The following AP2A1 variants were observed in gnomAD, a reference collection of about 807,000 sequenced individuals.
The protein encoded by AP2A1 is adaptor related protein complex 2 subunit alpha 1.
AP2A1 carries 21 observed loss-of-function variants against 107.3 expected under a neutral mutation model. The observed-to-expected ratio is 0.20, with a 90% CI of 0.14 to 0.28. The LOEUF (loss-of-function observed/expected upper bound fraction) is 0.28. AP2A1 is among the 10% of genes least tolerant of loss of function. The probability of loss-of-function intolerance (pLI) is 1.00; values close to 1 mark genes in which losing one functional copy is unlikely to be tolerated. For missense variants in AP2A1, 873 were observed against 1,307.7 expected (o/e 0.67, Z 5.13); for synonymous variants, 602 against 564.8 (o/e 1.07, Z -0.93).
intron 12 of AP2A1, 112 bp downstream of exon 12, chr19:49,801,170 C>A: frequency 1.8e-6 from 2 of 1,131,754 alleles, no homozygotes; most frequent in South Asian, 1.6e-5. Flanking sequence ...ATCCTCTCGG[C>A]CTCCACCCCA....
At chr19:49,768,062 T>C (rs1273642) in intron 1 of AP2A1, among the ~76,000 whole-genome samples, 139,668 of 152,020 alleles carry the variant, frequency 0.92, 64,259 homozygotes, top group East Asian at 1. Flanking sequence ...AGGAAGGCGT[T>C]GGGTTCTGAA....
chr19:49,798,855 A>G lies in AP2A1; in HGVS notation c.868A>G (p.Lys290Glu). The change falls in exon 8 of 23, where the codon AAG (lysine) becomes GAG (glutamate). Residue 290 changes from lysine to glutamate, a missense_variant. Physicochemically the swap from Lys to Glu is moderately conservative, Grantham distance 56 (BLOSUM62 1). Coordinates refer to ENST00000354293, the MANE Select transcript of AP2A1 (RefSeq NM_130787.3). ...LVECLETVLNKAQEPPKSKKV... is the reference protein window; with the variant it reads ...LVECLETVLNEAQEPPKSKKV... ...GGAATGTCTGGAGACTGTGCTCAACAAGGCCCAGGAGCCCCCCAAATCCAA... is the reference window on the plus strand; with the variant it reads ...GGAATGTCTGGAGACTGTGCTCAACGAGGCCCAGGAGCCCCCCAAATCCAA... 1 of 1,600,176 alleles carries G rather than the reference A, an allele frequency of 6.2e-7. No homozygotes were observed. Among genetic ancestry groups the G allele is most frequent in the East Asian group, 2.3e-5 (1 of 44,256 alleles).
Position 49,801,480 on chromosome 19 carries a change from C to T in AP2A1, c.1644C>T (p.Phe548=). 6.2e-7 allele frequency: 1 copy of T among 1,613,840 alleles called. No individual in the cohort carries two copies. Among genetic ancestry groups the T allele is most frequent in the Non-Finnish European group, 8.5e-7 (1 of 1,179,858 alleles). Reference sequence around the variant, plus strand: ...TGCTGCTGTCCACCTACATCAAGTTCATCAACCTCTTCCCCGAGACCAAGG... The same window carrying T: ...TGCTGCTGTCCACCTACATCAAGTTTATCAACCTCTTCCCCGAGACCAAGG... ...RALLLSTYIK[F]INLFPETKAT... The change falls in exon 13 of 23, where the codon TTC becomes TTT. Residue 548 remains phenylalanine (F), a synonymous_variant. Transcript: ENST00000354293.
intron 7 of AP2A1, among the ~76,000 whole-genome samples, chr19:49,798,545 G>A (rs560561244): frequency 8.8e-4 from 134 of 152,302 alleles, no homozygotes; most frequent in African/African-American, 3.1e-3. Flanking sequence ...TCTTGCCCGA[G>A]AGGGTCAGAG....
At chr19:49,768,148 G>T (rs1417088105) in intron 1 of AP2A1, among the ~76,000 whole-genome samples, 1 of 152,120 alleles carries the variant, frequency 6.6e-6, no homozygotes, top group Non-Finnish European at 1.5e-5. Context: ...GGGTCAGGCA[G>T]CAGGACAGGC....
At chr19:49,797,315 A>G (rs2073225299) in intron 7 of AP2A1, 1 of 152,252 alleles carries the variant, frequency 6.6e-6, no homozygotes, top group South Asian at 2.1e-4. Flanking sequence ...CATCCAGATA[A>G]GTACAGAGAT....
At chr19:49,769,382 A>G (rs1193253902) in intron 1 of AP2A1, among the ~76,000 whole-genome samples, 1 of 152,220 alleles carries the variant, frequency 6.6e-6, no homozygotes, top group African/African-American at 2.4e-5. Context: ...AAGAAAAATA[A>G]GGAGGAAATG....
intron 22 of AP2A1, 65 bp from the exon 23 acceptor site, chr19:49,806,616 C>G: frequency 8.1e-6 from 13 of 1,606,778 alleles, no homozygotes; most frequent in Non-Finnish European, 1.1e-5. Flanking sequence ...TTCTATCTCC[C>G]TTGGGTCCCG....
At chr19:49,797,761 A>G in intron 7 of AP2A1, among the ~76,000 whole-genome samples, 1 of 152,044 alleles carries the variant, frequency 6.6e-6, no homozygotes, top group African/African-American at 2.4e-5. Context: ...CAGAATATAT[A>G]TCACAGTACA....
chr19:49,805,552 C>A lies in AP2A1; in HGVS notation c.2444C>A (p.Pro815His), dbSNP rs1187827414. 3.8e-6 allele frequency: 6 copies of A among 1,577,412 alleles called. No homozygotes were observed. Among genetic ancestry groups the A allele is most frequent in the Non-Finnish European group, 5.2e-6 (6 of 1,162,180 alleles). ...GAGTGCCTGCGGGACTTCCTGACGC[C>A]CCCGCTGCTGTCCGTGCGCTTCCGG... ...NIECLRDFLT[P>H]PLLSVRFRYG... Residue 815 changes from proline (P) to histidine (H), a missense_variant, in exon 19 of 23, where the codon CCC becomes CAC. Physicochemically the swap from Pro to His is moderately conservative, Grantham distance 77. Around this residue, in one of 4 missense-constraint regions of AP2A1, gnomAD observed 416 missense variants for 473.4 expected, o/e 0.88. Transcript: ENST00000354293.
chr19:49,795,870 T>C (rs2073207564), intron 7 of AP2A1, 132 bp downstream of exon 7: 1 of 733,902 alleles, frequency 1.4e-6, no homozygotes, highest in Admixed American at 2.3e-5. Context: ...GCGGTTCCTC[T>C]GTCCCCTTAC....
At chr19:49,767,222 A>G (rs1193484058) in intron 1 of AP2A1, 22 bp downstream of exon 1, 1 of 1,608,544 alleles carries the variant, frequency 6.2e-7, no homozygotes, top group Admixed American at 1.7e-5. Context: ...GCCGGGGGAC[A>G]CTGGAGACGC....
At chr19:49,773,357 T>C (rs2084584820) in intron 1 of AP2A1, among the ~76,000 whole-genome samples, 1 of 152,096 alleles carries the variant, frequency 6.6e-6, no homozygotes, top group Admixed American at 6.6e-5. Context: ...TGCCCTGAGC[T>C]CTTCCATCAG....
intron 6 of AP2A1, 28 bp from the exon 7 acceptor site, chr19:49,795,602 C>CCCAA: frequency 1.4e-5 from 17 of 1,236,778 alleles, no homozygotes; most frequent in Non-Finnish European, 1.9e-5. Context: ...CCCCAGCCCC[C>CCCAA]AACTTATTTC....
chr19:49,793,391 C>A (rs2073170950), intron 6 of AP2A1, among the ~76,000 whole-genome samples: 1 of 152,190 alleles, frequency 6.6e-6, no homozygotes, highest in Non-Finnish European at 1.5e-5. Flanking sequence ...GCCGAGCACC[C>A]CGGGAGCCAG....
chr19:49,791,854 G>C (rs1357684440), intron 4 of AP2A1, 81 bp from the exon 5 acceptor site: 1 of 1,502,130 alleles, frequency 6.7e-7, no homozygotes, highest in East Asian at 2.5e-5. Context: ...ACCCTTCCTG[G>C]GAGGAACAGG....
intron 4 of AP2A1, among the ~76,000 whole-genome samples, chr19:49,791,302 G>T (rs2073139904): frequency 6.6e-6 from 1 of 152,148 alleles, no homozygotes; most frequent in South Asian, 2.1e-4. Context: ...CAGTCATGGT[G>T]CACTGCCGCC....
At chr19:49,800,295 C>T (rs530692085) in intron 11 of AP2A1, 145 bp downstream of exon 11, 1,386 of 1,030,430 alleles carry the variant, frequency 1.3e-3, no homozygotes, top group Non-Finnish European at 1.7e-3. Flanking sequence ...CTCTGCCTCT[C>T]TGGGCCAACC....
At chr19:49,792,328 C>T (rs1360488646) in intron 5 of AP2A1, among the ~76,000 whole-genome samples, 1 of 143,058 alleles carries the variant, frequency 7.0e-6, no homozygotes, top group Non-Finnish European at 1.5e-5. Flanking sequence ...ACCCAGGGCT[C>T]CCACCTCAGC....
Sources: gnomAD v4.1 joint callset for allele counts (sites outside exome capture counted in the v4.1 genomes callset) on GRCh38, gnomAD v4.1.1 for gene constraint, gnomAD v4.1.1 regional missense constraint, MANE v1.5 for transcripts, NCBI Gene and HGNC (gene_info 2026-07-23, HGNC 2026-07-21) for gene names.